Variants in ADAM33 observed in about 807,000 individuals in gnomAD.
The protein encoded by ADAM33 is disintegrin and metalloproteinase domain-containing protein 33.
ADAM33 carries 103 observed loss-of-function variants against 106.2 expected under a neutral mutation model. That is an observed-to-expected ratio of 0.97 (90% CI 0.83 to 1.14). The LOEUF (loss-of-function observed/expected upper bound fraction) is 1.14, where lower values mean the gene tolerates loss of function less well. Among genes scored for constraint, ADAM33 ranks in the 50% most tolerant of loss-of-function variants. The pLI, the probability that ADAM33 is intolerant of heterozygous loss-of-function variation, is 0.00. For synonymous variants in ADAM33, 483 were observed against 453.0 expected, an observed-to-expected ratio of 1.07 and a Z score of -0.84; for missense variants, 1,120 against 1,096.6, an observed-to-expected ratio of 1.02 and a Z score of -0.30.
At chr20:3,670,762 G>T in intron 19 of ADAM33, 1 of 512,724 alleles carries the variant, frequency 2.0e-6, no homozygotes. Context: ...GACAAGAGGA[G>T]CTGTACTGGG....
chr20:3,679,589 C>T lies in ADAM33; in HGVS notation c.98-18G>A, dbSNP rs372400468. 27 of 1,597,684 alleles carry T rather than the reference C, an allele frequency of 1.7e-5. No homozygotes were observed. Among genetic ancestry groups the T allele is most frequent in the Non-Finnish European group, 2.2e-5 (26 of 1,171,702 alleles). Reference sequence around the variant, plus strand: ...GATATGTCCTGGAGTAAAGACAGAGCACAGGGTGAGGGGGACCTGAGGAAC... The same window carrying T: ...GATATGTCCTGGAGTAAAGACAGAGTACAGGGTGAGGGGGACCTGAGGAAC... On this transcript the variant is annotated intron_variant, in intron 1 of 21. Coordinates refer to ENST00000356518, the MANE Select transcript of ADAM33 (RefSeq NM_025220.5).
At chr20:3,673,173 T>A in intron 11 of ADAM33, 181 bp downstream of exon 11, 3 of 1,514,770 alleles carry the variant, frequency 2.0e-6, no homozygotes, top group Non-Finnish European at 2.6e-6. Flanking sequence ...CTTCATACCG[T>A]TGAGAATCCA....
chr20:3,673,128 T>C (rs2087668866), intron 11 of ADAM33: 13 of 1,472,754 alleles, frequency 8.8e-6, no homozygotes, highest in Non-Finnish European at 1.2e-5. Flanking sequence ...CCTCCCGGTG[T>C]AGGAGTAACC....
intron 1 of ADAM33, among the ~76,000 whole-genome samples, chr20:3,679,816 C>T (rs1468896157): frequency 6.6e-6 from 1 of 152,136 alleles, no homozygotes; most frequent in African/African-American, 2.4e-5. Context: ...CAGCTGGGGA[C>T]ACGGGAGTCC....
In ADAM33 at chr20:3,676,724, C is replaced by T. The variant is rs2087995774; in HGVS notation, c.254+343G>A. Among the ~76,000 whole-genome samples the T allele has an allele frequency of 2.0e-5, 3 of 152,328 alleles. No homozygotes were observed. The South Asian group carries it at 6.2e-4, about 32-fold the overall frequency. On this transcript the variant is annotated intron_variant, in intron 3 of 21. Transcript: ENST00000356518. ...AAAGCCACCGCATCTTGGTCCCTGC[C>T]ATTCCCTTAGCCTGGGGTGCCGGCT...
At chr20:3,674,336 T>C (rs761924389) in intron 6 of ADAM33, 52 bp from the exon 7 acceptor site, 1 of 1,612,146 alleles carries the variant, frequency 6.2e-7, no homozygotes, top group East Asian at 2.2e-5. Context: ...GCTTGAGCCC[T>C]GACCACCAAT....
chr20:3,671,483 C>T lies in ADAM33; in HGVS notation c.1919G>A (p.Arg640Lys). Residue 640 changes from arginine to lysine, a missense_variant, in exon 17 of 22, where the codon AGG becomes AAG. Physicochemically the swap from Arg to Lys is conservative, Grantham distance 26. Coordinates refer to ENST00000356518, the MANE Select transcript of ADAM33 (RefSeq NM_025220.5). ...QCGPRMVCQSRRCRKNAFQEL... is the reference protein window; with the variant it reads ...QCGPRMVCQSKRCRKNAFQEL... ...CTGGAAGGCATTCTTCCTGCAGCGC[C>T]TGCTCTGGCACACCTACGGGCAGTG... The T allele has an allele frequency of 1.2e-6, 2 of 1,611,116 alleles. No individual in the cohort carries two copies. The highest frequency in any genetic ancestry group is 4.5e-5 in the East Asian group (2 of 44,808).
At chr20:3,669,755 C>T in intron 19 of ADAM33, 118 bp from the exon 20 acceptor site, 1 of 911,334 alleles carries the variant, frequency 1.1e-6, no homozygotes, top group Non-Finnish European at 1.7e-6. Flanking sequence ...TCTTGGGGCA[C>T]CCATCTGCTC....
At chr20:3,679,839 CG>C (rs2088320471) in intron 1 of ADAM33, among the ~76,000 whole-genome samples, 1 of 152,086 alleles carries the variant, frequency 6.6e-6, no homozygotes, top group South Asian at 2.1e-4. Context: ...TGACCTTTGT[CG>C]GGGGGCAGGC....
At chr20:3,676,866 A>T (rs1442695291) in intron 3 of ADAM33, among the ~76,000 whole-genome samples, 2 of 152,166 alleles carry the variant, frequency 1.3e-5, no homozygotes, top group Non-Finnish European at 2.9e-5. Context: ...GGGAGGGCGG[A>T]GGTGCCCCAC....
chr20:3,679,045 A>G (rs1196832001), intron 2 of ADAM33, among the ~76,000 whole-genome samples: 1 of 151,896 alleles, frequency 6.6e-6, no homozygotes, highest in Non-Finnish European at 1.5e-5. Context: ...CTGAAGGTTC[A>G]GGCCTTCGTG....
chr20:3,669,643 C>T lies in ADAM33; in HGVS notation c.2241-6G>A. 1 of 1,598,356 alleles carries T rather than the reference C, an allele frequency of 6.3e-7. No individual in the cohort carries two copies. Among genetic ancestry groups the T allele is most frequent in the Non-Finnish European group, 8.5e-7 (1 of 1,173,482 alleles). ...TGTGTGGGCCATCTTTGGGGCTGAG[C>T]AACGTGATAAGAGTCCAGGAGGTTG... On this transcript the variant is annotated splice_polypyrimidine_tract_variant and splice_region_variant and intron_variant, in intron 19 of 21. Transcript: ENST00000356518.
chr20:3,673,145 G>A, intron 11 of ADAM33: 1 of 1,484,226 alleles, frequency 6.7e-7, no homozygotes. Flanking sequence ...AACCTCGCCA[G>A]GTTACTCGGA....
At position 3,672,126 on chromosome 20, in the gene ADAM33, C is replaced by G; in HGVS notation, c.1597+8G>C. On this transcript the variant is annotated splice_region_variant and intron_variant, in intron 14 of 21. Coordinates refer to ENST00000356518, the MANE Select transcript of ADAM33 (RefSeq NM_025220.5). ...GGGCAGGGTGCAAGGGTGCTCGTGT[C>G]CTCTCACCAGGCCCCCAGAGCTGCT... 6 of 1,607,284 alleles carry G rather than the reference C, an allele frequency of 3.7e-6. No individual in the cohort carries two copies. Among genetic ancestry groups the G allele is most frequent in the Non-Finnish European group, 5.1e-6 (6 of 1,176,372 alleles).
intron 2 of ADAM33, 84 bp from the exon 3 acceptor site, chr20:3,677,227 G>T: frequency 1.6e-6 from 2 of 1,243,746 alleles, no homozygotes; most frequent in Non-Finnish European, 2.2e-6. Context: ...GGAGCCGGCT[G>T]GGGAGGAAGT....
In ADAM33 at chr20:3,677,128, T is replaced by A. The variant is rs1393251615; in HGVS notation, c.193A>T (p.Met65Leu). 6.2e-7 allele frequency: 1 copy of A among 1,610,260 alleles called. No homozygotes were observed. The highest frequency in any genetic ancestry group is 2.2e-5 in the East Asian group (1 of 44,628). ...TCAGCCTCCAGGGCCACCAGCCCCATGTCTGGCTTCGAGACCTGGGCAAGA... is the reference window on the plus strand; with the variant it reads ...TCAGCCTCCAGGGCCACCAGCCCCAAGTCTGGCTTCGAGACCTGGGCAAGA... ...SLEEPVSKPD[M>L]GLVALEAEGQ... The change falls in exon 3 of 22, where the codon ATG becomes TTG. Residue 65 changes from methionine (M) to leucine (L), a missense_variant. Coordinates refer to ENST00000356518, the MANE Select transcript of ADAM33 (RefSeq NM_025220.5).
At chr20:3,669,152 G>C in intron 21 of ADAM33, 147 bp downstream of exon 21, 1 of 1,206,174 alleles carries the variant, frequency 8.3e-7, no homozygotes, top group East Asian at 2.4e-5. Context: ...CAGCATCCTG[G>C]TCTGCATGAT....
Position 3,668,840 on chromosome 20 carries a change from T to G in ADAM33, c.*123A>C, listed in dbSNP as rs2087345418. 60 of 1,240,184 alleles carry G rather than the reference T, an allele frequency of 4.8e-5. 1 individual carries two copies. The South Asian group carries it at 7.0e-4, about 15-fold the overall frequency. The allele number at this position is 1,240,184 out of a possible 1,614,324, so 76.8% of individuals were successfully genotyped here. On this transcript the variant is annotated 3_prime_UTR_variant, in exon 22 of 22. Coordinates refer to ENST00000356518, the MANE Select transcript of ADAM33 (RefSeq NM_025220.5). The stretch of plus-strand genomic sequence containing the variant: ...CGAAGCTCCACTCGGGGAAGAAACT[T>G]CCAAGCTGCCTGCAGGTGCTGGAGG...
rs761446268 is a variant in ADAM33, at chr20:3,674,155, G to T, written c.667-20C>A. 6.2e-7 allele frequency: 1 copy of T among 1,614,172 alleles called. No homozygotes were observed. Among genetic ancestry groups the T allele is most frequent in the East Asian group, 2.2e-5 (1 of 44,874 alleles). ...CAAGAACTGGGAAGGCAGAAATCCCGGTGGCTTGAGGGGCTGAGCTGGCCC... is the reference window on the plus strand; with the variant it reads ...CAAGAACTGGGAAGGCAGAAATCCCTGTGGCTTGAGGGGCTGAGCTGGCCC... On this transcript the variant is annotated intron_variant, in intron 7 of 21. Transcript: ENST00000356518.
Sources: allele counts gnomAD v4.1 joint callset (sites outside exome capture counted in the v4.1 genomes callset), GRCh38; gene constraint gnomAD v4.1.1; transcripts MANE v1.5; gene names NCBI Gene and HGNC (gene_info 2026-07-23, HGNC 2026-07-21).